ROBO1: variants seen among roughly 807,000 people sequenced by gnomAD.
The protein encoded by ROBO1 is roundabout guidance receptor 1.
ROBO1 carries 149 observed loss-of-function variants against 195.9 expected under a neutral mutation model. The ratio of observed to expected loss-of-function variants is 0.76; its 90% CI spans 0.67 to 0.87. ROBO1 has a LOEUF of 0.87. Ranked by LOEUF, ROBO1 falls within the 40% of genes least tolerant of loss-of-function variation. The probability of loss-of-function intolerance (pLI) is 0.00; values close to 1 mark genes in which losing one functional copy is unlikely to be tolerated. For missense variants in ROBO1, 1,933 were observed against 2,068.3 expected, an observed-to-expected ratio of 0.93 and a Z score of 1.27; for synonymous variants, 816 against 733.2, an observed-to-expected ratio of 1.11 and a Z score of -1.82.
At chr3:79,683,720 T>C (rs6810161) in intron 1 of ROBO1, among the ~76,000 whole-genome samples, 48,526 of 151,906 alleles carry the variant, frequency 0.32, 9,651 homozygotes, top group African/African-American at 0.57. Context: ...TTATATATTG[T>C]CCTTCTTTCA....
At chr3:79,525,356 CATT>C (rs1941384229) in intron 2 of ROBO1, among the ~76,000 whole-genome samples, 1 of 149,254 alleles carries the variant, frequency 6.7e-6, no homozygotes, top group Non-Finnish European at 1.5e-5. Context: ...TTAAAACACT[CATT>C]GTACTGATTG....
chr3:79,201,252 T>C (rs917292004), intron 2 of ROBO1, among the ~76,000 whole-genome samples: 1 of 151,998 alleles, frequency 6.6e-6, no homozygotes, highest in Non-Finnish European at 1.5e-5. Flanking sequence ...ACTACCATAG[T>C]TCTCATAATA....
intron 2 of ROBO1, among the ~76,000 whole-genome samples, chr3:79,127,166 C>T (rs527979955): frequency 3.3e-5 from 5 of 152,086 alleles, no homozygotes; most frequent in Non-Finnish European, 7.4e-5. Flanking sequence ...TTTACCTTTC[C>T]GGCCCGTGAA....
chr3:79,704,329 C>T (rs948163185), intron 1 of ROBO1, among the ~76,000 whole-genome samples: 23 of 151,940 alleles, frequency 1.5e-4, no homozygotes, highest in African/African-American at 5.1e-4. Context: ...CTAAGAACCC[C>T]TCTACCTATT....
intron 18 of ROBO1, among the ~76,000 whole-genome samples, chr3:78,655,346 G>C (rs746180533): frequency 3.3e-5 from 5 of 152,138 alleles, no homozygotes; most frequent in Admixed American, 6.6e-5. Context: ...CCATTCATTT[G>C]CTTGCAGTCA....
At chr3:78,855,677 G>A (rs2034369847) in intron 4 of ROBO1, among the ~76,000 whole-genome samples, 1 of 151,974 alleles carries the variant, frequency 6.6e-6, no homozygotes, top group East Asian at 1.9e-4. Flanking sequence ...TCCTGTTACA[G>A]CTGATAAACT....
At chr3:79,242,287 C>T (rs780914933) in intron 2 of ROBO1, among the ~76,000 whole-genome samples, 1 of 151,688 alleles carries the variant, frequency 6.6e-6, no homozygotes. Flanking sequence ...AAAAAAAATT[C>T]TCTTTTATTT....
chr3:79,357,463 G>C (rs1177536896), intron 2 of ROBO1, among the ~76,000 whole-genome samples: 1 of 151,972 alleles, frequency 6.6e-6, no homozygotes. Context: ...CATTAATTGG[G>C]GTAATTACAA....
chr3:79,319,678 A>C (rs528111629), intron 2 of ROBO1, among the ~76,000 whole-genome samples: 1 of 152,322 alleles, frequency 6.6e-6, no homozygotes, highest in South Asian at 2.1e-4. Flanking sequence ...AAAATATTAA[A>C]AATGACTTAA....
At chr3:78,978,533 A>C (rs2076929325) in intron 3 of ROBO1, among the ~76,000 whole-genome samples, 1 of 152,118 alleles carries the variant, frequency 6.6e-6, no homozygotes, top group African/African-American at 2.4e-5. Context: ...GACATTATAA[A>C]GTAGGTAATA....
intron 2 of ROBO1, among the ~76,000 whole-genome samples, chr3:79,331,694 A>T (rs1212860398): frequency 6.6e-6 from 1 of 152,186 alleles, no homozygotes; most frequent in Admixed American, 6.5e-5. Flanking sequence ...TAGATTTTCC[A>T]GATGCCTAGG....
intron 2 of ROBO1, among the ~76,000 whole-genome samples, chr3:79,361,759 G>A (rs959356983): frequency 1.3e-5 from 2 of 151,902 alleles, no homozygotes; most frequent in African/African-American, 4.8e-5. Flanking sequence ...ATACTTACAA[G>A]TGTGATTATT....
chr3:79,280,047 T>C (rs2031386921), intron 2 of ROBO1, among the ~76,000 whole-genome samples: 1 of 152,164 alleles, frequency 6.6e-6, no homozygotes. Context: ...CTAAAAAATG[T>C]TGATCTCATA....
intron 21 of ROBO1, among the ~76,000 whole-genome samples, chr3:78,642,526 C>A (rs994611861): frequency 6.6e-6 from 1 of 152,174 alleles, no homozygotes; most frequent in Non-Finnish European, 1.5e-5. Flanking sequence ...CACCTCCCAC[C>A]AACAGGGAAT....
At chr3:79,386,742 G>T (rs2106669304) in intron 2 of ROBO1, among the ~76,000 whole-genome samples, 1 of 152,252 alleles carries the variant, frequency 6.6e-6, no homozygotes, top group Middle Eastern at 3.4e-3. Context: ...AAGATGAATA[G>T]ATGAGAATTA....
chr3:79,129,193 C>A (rs1409394941), intron 2 of ROBO1, among the ~76,000 whole-genome samples: 1 of 152,062 alleles, frequency 6.6e-6, no homozygotes, highest in African/African-American at 2.4e-5. Flanking sequence ...ATAGTCCCTA[C>A]CTATGTTACA....
rs552287162 is a variant in ROBO1 at position 79,281,774 on chromosome 3, A to T, written c.89-156235T>A. 2.6e-5 allele frequency among the ~76,000 whole-genome samples: 4 copies of T among 152,300 alleles called. No individual in the cohort carries two copies. The South Asian group carries it at 8.3e-4, about 32-fold the overall frequency. On this transcript the variant is annotated intron_variant, in intron 2 of 30. Coordinates refer to ENST00000464233, the MANE Select transcript of ROBO1 (RefSeq NM_002941.4). ...ATAACTTTGTGCCATCATCGGAGGGAACAAACTTTCTATTTTGCAAATGAG... is the reference window on the plus strand; with the variant it reads ...ATAACTTTGTGCCATCATCGGAGGGTACAAACTTTCTATTTTGCAAATGAG...
chr3:79,167,477 C>A (rs1288784200), intron 2 of ROBO1, among the ~76,000 whole-genome samples: 1 of 152,160 alleles, frequency 6.6e-6, no homozygotes, highest in Non-Finnish European at 1.5e-5. Context: ...ATCTTTATAA[C>A]ACCTGTAATG....
chr3:78,756,131 A>G (rs1189895032), intron 4 of ROBO1, among the ~76,000 whole-genome samples: 1 of 152,176 alleles, frequency 6.6e-6, no homozygotes, highest in Non-Finnish European at 1.5e-5. Context: ...TATAATACAG[A>G]CACGTGACAT....
Sources: allele counts gnomAD v4.1 joint callset (sites outside exome capture counted in the v4.1 genomes callset), GRCh38; gene constraint gnomAD v4.1.1; transcripts MANE v1.5; gene names NCBI Gene and HGNC (gene_info 2026-07-23, HGNC 2026-07-21).